Variants in ATP2B2 observed in about 807,000 individuals in gnomAD.
ATP2B2 encodes ATPase plasma membrane Ca2+ transporting 2.
ATP2B2 carries 15 observed loss-of-function variants against 120.0 expected under a neutral mutation model. That is an observed-to-expected ratio of 0.12 (90% confidence interval 0.08 to 0.19). The LOEUF (loss-of-function observed/expected upper bound fraction) is 0.19. Ranked by LOEUF, ATP2B2 falls within the 10% of genes least tolerant of loss-of-function variation. The pLI is 1.00. For synonymous variants in ATP2B2, 694 were observed against 700.3 expected (o/e 0.99, Z 0.14); for missense variants, 1,045 against 1,719.8 (o/e 0.61, Z 6.94).
In ATP2B2 at chr3:10,327,145, A is replaced by G; in HGVS notation, c.*1669T>C. ...TTTTATGAAAAACGCTGAGACCCAC[A>G]AAGTGCTTAGCAGTTAAGAGGCTGA... On this transcript the variant is annotated 3_prime_UTR_variant, in exon 23 of 23. Transcript: ENST00000360273. The G allele has an allele frequency of 3.7e-6, 1 of 271,928 alleles. No individual in the cohort carries two copies. Among genetic ancestry groups the G allele is most frequent in the Non-Finnish European group, 6.8e-6 (1 of 146,716 alleles). The allele number at this position is 271,928 out of a possible 1,614,324, so 16.8% of individuals were successfully genotyped here. A position where few individuals can be genotyped will look rare whatever the true frequency, so the allele number is the denominator to read the frequency against.
chr3:10,688,573 G>A (rs1237010770), intron 1 of ATP2B2, among the ~76,000 whole-genome samples: 2 of 152,192 alleles, frequency 1.3e-5, no homozygotes, highest in Non-Finnish European at 2.9e-5. Context: ...TGTGCCAAAT[G>A]ACCCAGGTCC....
chr3:10,611,544 C>T (rs778047971), intron 2 of ATP2B2, among the ~76,000 whole-genome samples: 16 of 152,156 alleles, frequency 1.1e-4, no homozygotes, highest in Non-Finnish European at 2.9e-5. Context: ...CCTGAGCCTA[C>T]ACCATCAGTG....
At chr3:10,690,432 A>ATATCTATCTATCTATC (rs58646066) in intron 1 of ATP2B2, among the ~76,000 whole-genome samples, 33 of 148,920 alleles carry the variant, frequency 2.2e-4, no homozygotes, top group East Asian at 6.1e-4. Flanking sequence ...ATCTATATCT[A>ATATCTATCTATCTATC]TATCTATCTA....
At chr3:10,476,166 C>T (rs2125302954) in intron 1 of ATP2B2, among the ~76,000 whole-genome samples, 1 of 152,304 alleles carries the variant, frequency 6.6e-6, no homozygotes, top group Admixed American at 6.5e-5. Context: ...GCTGGTGAAA[C>T]TGGGAAGCAT....
At chr3:10,384,581 A>T (rs746584971) in intron 8 of ATP2B2, among the ~76,000 whole-genome samples, 94 of 152,180 alleles carry the variant, frequency 6.2e-4, no homozygotes, top group Admixed American at 1.0e-3. Flanking sequence ...AGATGCAGAC[A>T]CCAGTACACA....
At chr3:10,345,973 T>C in intron 17 of ATP2B2, 58 bp downstream of exon 17, 1 of 1,515,044 alleles carries the variant, frequency 6.6e-7, no homozygotes, top group Non-Finnish European at 9.0e-7. Flanking sequence ...AGCCCAAGGT[T>C]GTGTAGTCCA....
intron 2 of ATP2B2, among the ~76,000 whole-genome samples, chr3:10,561,825 C>G (rs1341821177): frequency 6.6e-6 from 1 of 152,164 alleles, no homozygotes; most frequent in Non-Finnish European, 1.5e-5. Context: ...AACTGTAAGT[C>G]CATTAAAACT....
In ATP2B2 at chr3:10,375,478, G is replaced by T. The variant is rs61736456; in HGVS notation, c.1368C>A (p.Pro456=). 2.3e-4 allele frequency: 378 copies of T among 1,612,962 alleles called. No homozygotes were observed. The highest frequency in any genetic ancestry group is 3.1e-4 in the Non-Finnish European group (363 of 1,179,916). The stretch of plus-strand genomic sequence containing the variant: ...TGGTGACGGCCAGAGGGAGCCCCTC[G>T]GGCACGGCGACCACCAGCACCGTCA... ...IGVTVLVVAV[P]EGLPLAVTIS... is the part of the protein sequence containing the mutation. The change falls in exon 11 of 23, where the codon CCC becomes CCA. Residue 456 remains proline, a synonymous_variant. Transcript: ENST00000360273. This position sits in a 1 kb window ranked among gnomAD's most constrained non-coding sequence, Gnocchi z 4.2.
At chr3:10,611,006 C>G (rs555508377) in intron 2 of ATP2B2, among the ~76,000 whole-genome samples, 1 of 152,354 alleles carries the variant, frequency 6.6e-6, no homozygotes, top group Non-Finnish European at 1.5e-5. Flanking sequence ...TGCAGCCTGA[C>G]TCAACCAGGA....
intron 1 of ATP2B2, among the ~76,000 whole-genome samples, chr3:10,623,348 G>A (rs967719196): frequency 6.6e-6 from 1 of 152,268 alleles, no homozygotes; most frequent in South Asian, 2.1e-4. Context: ...CTGAGCCACC[G>A]TGCCTAATTG....
At chr3:10,414,386 C>G (rs1276874755) in intron 2 of ATP2B2, among the ~76,000 whole-genome samples, 1 of 152,164 alleles carries the variant, frequency 6.6e-6, no homozygotes, top group South Asian at 2.1e-4. Context: ...GGACAGCAGA[C>G]AGAGCAGGGG....
chr3:10,555,963 A>G (rs2067769295), intron 2 of ATP2B2, among the ~76,000 whole-genome samples: 1 of 152,162 alleles, frequency 6.6e-6, no homozygotes, highest in Non-Finnish European at 1.5e-5. Flanking sequence ...CAGTGGCACA[A>G]TCTTGGCTCA....
intron 14 of ATP2B2, among the ~76,000 whole-genome samples, chr3:10,355,791 C>CTTTGT: frequency 7.6e-5 from 7 of 92,612 alleles, no homozygotes; most frequent in Non-Finnish European, 1.1e-4. Flanking sequence ...TTGTCCTTTC[C>CTTTGT]GGCCGGGCGC....
chr3:10,385,252 G>A lies in ATP2B2; in HGVS notation c.1000+16C>T, dbSNP rs377268658. ...CCCATCCAACCATGACCAGGAGCTC[G>A]CCGTGGGAGACATACCATTGACTAG... is the stretch of plus-strand genomic sequence containing the variant. On this transcript the variant is annotated intron_variant, in intron 8 of 22. Transcript: ENST00000360273. The A allele has an allele frequency of 7.4e-6, 12 of 1,613,684 alleles. No homozygotes were observed. Among genetic ancestry groups the A allele is most frequent in the East Asian group, 2.2e-5 (1 of 44,896 alleles).
At chr3:10,650,420 T>A (rs915329510) in intron 1 of ATP2B2, among the ~76,000 whole-genome samples, 2 of 152,222 alleles carry the variant, frequency 1.3e-5, no homozygotes, top group African/African-American at 4.8e-5. Flanking sequence ...AAGAGGTGAC[T>A]TGGGTGCTGT....
chr3:10,689,685 G>A (rs778415334), intron 1 of ATP2B2, among the ~76,000 whole-genome samples: 5 of 152,284 alleles, frequency 3.3e-5, no homozygotes, highest in Middle Eastern at 3.4e-3. Context: ...TGCTGAGGAC[G>A]GGGAACCCTG....
chr3:10,379,104 C>A (rs978195939), intron 9 of ATP2B2, 139 bp downstream of exon 9: 25 of 1,033,530 alleles, frequency 2.4e-5, no homozygotes, highest in East Asian at 1.6e-4. Context: ...CACAGCTACA[C>A]CCCCAAGGTC....
intron 1 of ATP2B2, among the ~76,000 whole-genome samples, chr3:10,628,029 G>A (rs1335870646): frequency 6.6e-6 from 1 of 152,152 alleles, no homozygotes; most frequent in Non-Finnish European, 1.5e-5. Flanking sequence ...CAAGGGAGAG[G>A]CTGGGCAATG....
intron 2 of ATP2B2, among the ~76,000 whole-genome samples, chr3:10,564,843 T>C (rs2067977862): frequency 6.6e-6 from 1 of 152,218 alleles, no homozygotes; most frequent in Non-Finnish European, 1.5e-5. Context: ...ACAGATTTCC[T>C]ATTGTTCTCT....
Sources: gnomAD v4.1 joint callset for allele counts (sites outside exome capture counted in the v4.1 genomes callset) on GRCh38, gnomAD v4.1.1 for gene constraint, Gnocchi (gnomAD v3.1) non-coding constraint, MANE v1.5 for transcripts, NCBI Gene and HGNC (gene_info 2026-07-23, HGNC 2026-07-21) for gene names.